The following STX18 variants were observed in gnomAD, a reference collection of about 807,000 sequenced individuals.
The protein encoded by STX18 is syntaxin 18, also known as syntaxin-18.
In STX18, 40 loss-of-function variants were observed where a neutral mutation model predicts 50.1. The ratio of observed to expected loss-of-function variants is 0.80; its 90% CI spans 0.62 to 1.04. STX18 has a LOEUF of 1.04. Ranked by LOEUF, STX18 falls within the 50% of genes least tolerant of loss-of-function variation. The pLI is 0.00. For missense variants in STX18, 410 were observed against 415.8 expected, an observed-to-expected ratio of 0.99 and a Z score of 0.12; for synonymous variants, 158 against 151.8, an observed-to-expected ratio of 1.04 and a Z score of -0.30.
chr4:4,439,097 C>T (rs1483602272), intron 5 of STX18, among the ~76,000 whole-genome samples: 1 of 123,658 alleles, frequency 8.1e-6, no homozygotes, highest in Admixed American at 9.2e-5. Context: ...CACACATATA[C>T]CCCCACACAC....
chr4:4,506,448 T>A (rs1413456466), intron 1 of STX18, among the ~76,000 whole-genome samples: 4 of 152,236 alleles, frequency 2.6e-5, no homozygotes, highest in Non-Finnish European at 4.4e-5. Context: ...GTATATATGA[T>A]CTCATTTATA....
At chr4:4,513,401 G>A (rs903526422) in intron 1 of STX18, among the ~76,000 whole-genome samples, 5 of 152,146 alleles carry the variant, frequency 3.3e-5, no homozygotes, top group African/African-American at 9.7e-5. Context: ...CCAGCCAGGA[G>A]CCAATCATAA....
chr4:4,438,615 G>A, intron 5 of STX18, 106 bp from the exon 6 acceptor site: 1 of 852,162 alleles, frequency 1.2e-6, no homozygotes, highest in Non-Finnish European at 1.8e-6. Flanking sequence ...CTGTGTCCCT[G>A]TACTGGGGAG....
intron 1 of STX18, among the ~76,000 whole-genome samples, chr4:4,500,548 G>C (rs1165569082): frequency 1.3e-5 from 2 of 152,128 alleles, no homozygotes; most frequent in Non-Finnish European, 2.9e-5. Flanking sequence ...CACAGAGTTT[G>C]GTATCCAGAG....
At chr4:4,522,402 T>C (rs1276661275) in intron 1 of STX18, among the ~76,000 whole-genome samples, 2 of 152,204 alleles carry the variant, frequency 1.3e-5, no homozygotes, top group Non-Finnish European at 2.9e-5. Flanking sequence ...TCGTGCCTGC[T>C]TATGTTATTG....
intron 1 of STX18, among the ~76,000 whole-genome samples, chr4:4,518,216 G>A (rs995857131): frequency 6.6e-6 from 1 of 152,182 alleles, no homozygotes; most frequent in Non-Finnish European, 1.5e-5. Context: ...GATATATGTG[G>A]ATTTTCTTAT....
At chr4:4,447,324 T>C (rs1033373654) in intron 5 of STX18, among the ~76,000 whole-genome samples, 7 of 151,232 alleles carry the variant, frequency 4.6e-5, no homozygotes, top group African/African-American at 1.7e-4. Flanking sequence ...GCGCGGTGGC[T>C]CACGCCTGTA....
At chr4:4,461,234 T>G (rs1275824046) in intron 2 of STX18, among the ~76,000 whole-genome samples, 1 of 152,144 alleles carries the variant, frequency 6.6e-6, no homozygotes, top group African/African-American at 2.4e-5. Context: ...CCTTCTAAAT[T>G]GAAAATTGAC....
intron 1 of STX18, among the ~76,000 whole-genome samples, chr4:4,510,474 G>C (rs1187550153): frequency 6.6e-6 from 1 of 152,140 alleles, no homozygotes; most frequent in Non-Finnish European, 1.5e-5. Flanking sequence ...AGAAATCCAT[G>C]ACATGCAATT....
chr4:4,486,835 C>T (rs961419905), intron 1 of STX18, among the ~76,000 whole-genome samples: 17 of 152,104 alleles, frequency 1.1e-4, no homozygotes, highest in Non-Finnish European at 1.8e-4. Context: ...ACAAATAGTG[C>T]AAAATTCATA....
At chr4:4,455,047 GA>G (rs1019652369) in intron 5 of STX18, among the ~76,000 whole-genome samples, 1 of 152,270 alleles carries the variant, frequency 6.6e-6, no homozygotes, top group African/African-American at 2.4e-5. Flanking sequence ...CAAAAGCCCA[GA>G]AAAGTTAAGC....
chr4:4,438,165 G>A (rs1208033389), intron 6 of STX18, among the ~76,000 whole-genome samples: 4 of 152,174 alleles, frequency 2.6e-5, no homozygotes, highest in Non-Finnish European at 5.9e-5. Flanking sequence ...CCTTTCTCCC[G>A]GACCCCGCCA....
intron 7 of STX18, among the ~76,000 whole-genome samples, chr4:4,430,506 T>G (rs926810811): frequency 6.6e-6 from 1 of 152,176 alleles, no homozygotes; most frequent in Non-Finnish European, 1.5e-5. Flanking sequence ...AGTAACACAA[T>G]AAAAATTAGG....
intron 1 of STX18, among the ~76,000 whole-genome samples, chr4:4,495,542 C>G (rs1185010837): frequency 6.7e-6 from 1 of 148,476 alleles, no homozygotes; most frequent in African/African-American, 2.5e-5. Context: ...GCACGCGTGT[C>G]TGGCTAATTT....
chr4:4,438,124 G>C (rs1207246129), intron 6 of STX18, among the ~76,000 whole-genome samples: 1 of 152,212 alleles, frequency 6.6e-6, no homozygotes, highest in Non-Finnish European at 1.5e-5. Context: ...TCCTGAGGCA[G>C]ACAGCTCCCG....
chr4:4,443,987 T>C lies in STX18; in HGVS notation c.498-5478A>G, dbSNP rs142559201. Among the ~76,000 whole-genome samples, 31 of 152,316 alleles carry C rather than the reference T, an allele frequency of 2.0e-4. 1 individual carries two copies. The East Asian group carries it at 3.7e-3, about 18-fold the overall frequency. On this transcript the variant is annotated intron_variant, in intron 5 of 10. Transcript: ENST00000306200. ...TGGGAGATAACCTCTAAGCTCCTAG[T>C]ACGTCTTGTCTGATGAGAGTATCTT...
intron 1 of STX18, among the ~76,000 whole-genome samples, chr4:4,493,500 C>T (rs1367314808): frequency 6.6e-6 from 1 of 152,092 alleles, no homozygotes; most frequent in African/African-American, 2.4e-5. Flanking sequence ...AATGATTCCT[C>T]TATGATTAAA....
intron 1 of STX18, among the ~76,000 whole-genome samples, chr4:4,499,016 C>G (rs1276365146): frequency 2.0e-5 from 3 of 152,088 alleles, no homozygotes; most frequent in Admixed American, 6.5e-5. Context: ...GCCAAACCAG[C>G]AAATGAAGAA....
At chr4:4,521,107 T>C (rs1730491122) in intron 1 of STX18, among the ~76,000 whole-genome samples, 1 of 151,850 alleles carries the variant, frequency 6.6e-6, no homozygotes. Flanking sequence ...CTCACTAGAC[T>C]CTGTTATTTG....
Sources: allele counts gnomAD v4.1 joint callset (sites outside exome capture counted in the v4.1 genomes callset), GRCh38; gene constraint gnomAD v4.1.1; transcripts MANE v1.5; gene names NCBI Gene and HGNC (gene_info 2026-07-23, HGNC 2026-07-21).